FUBP1: variants seen among roughly 807,000 people sequenced by gnomAD.
FUBP1 encodes the protein far upstream element binding protein 1, also known as far upstream element-binding protein 1.
A neutral mutation model predicts 94.9 loss-of-function variants in FUBP1; 16 were observed. That is an observed-to-expected ratio of 0.17 (90% confidence interval 0.11 to 0.26). The LOEUF is 0.26. FUBP1 is among the 10% of genes least tolerant of loss of function. The pLI is 1.00. For missense variants in FUBP1, 583 were observed against 808.6 expected, an observed-to-expected ratio of 0.72 and a Z score of 3.38; for synonymous variants, 279 against 254.9, an observed-to-expected ratio of 1.09 and a Z score of -0.90.
chr1:77,960,267 A>G lies in FUBP1; in HGVS notation c.1497-4T>C. Reference sequence around the variant, plus strand: ...AGCATATGGGGCTGGAGGACCACTGAAAAGAAAAATCAGCATAAAAAACAG... The same window carrying G: ...AGCATATGGGGCTGGAGGACCACTGGAAAGAAAAATCAGCATAAAAAACAG... On this transcript the variant is annotated splice_polypyrimidine_tract_variant and splice_region_variant and intron_variant, in intron 15 of 19. Transcript: ENST00000370768. The G allele has an allele frequency of 5.0e-6, 8 of 1,613,238 alleles. No individual in the cohort carries two copies. The highest frequency in any genetic ancestry group is 1.3e-5 in the African/African-American group (1 of 74,966).
chr1:77,949,730 G>A (rs868597528), intron 18 of FUBP1, among the ~76,000 whole-genome samples: 2 of 152,066 alleles, frequency 1.3e-5, no homozygotes, highest in South Asian at 2.1e-4. Context: ...ATCTTAATTC[G>A]ATTCCAGAAT....
At chr1:77,978,230 G>A (rs1386275893) in intron 1 of FUBP1, among the ~76,000 whole-genome samples, 2 of 152,208 alleles carry the variant, frequency 1.3e-5, no homozygotes, top group Non-Finnish European at 2.9e-5. Context: ...AATACAAAGA[G>A]GTCTGGTCAG....
chr1:77,973,719 A>C (rs905072443), intron 1 of FUBP1, among the ~76,000 whole-genome samples: 1 of 147,154 alleles, frequency 6.8e-6, no homozygotes, highest in African/African-American at 2.6e-5. Flanking sequence ...AAAGAAACTT[A>C]AAAGACACAG....
At chr1:77,976,499 A>T (rs1484979255) in intron 1 of FUBP1, among the ~76,000 whole-genome samples, 1 of 146,982 alleles carries the variant, frequency 6.8e-6, no homozygotes, top group Non-Finnish European at 1.5e-5. Flanking sequence ...ATAAAATCCA[A>T]TTTTTTTTTT....
intron 18 of FUBP1, among the ~76,000 whole-genome samples, chr1:77,949,834 G>A (rs185591471): frequency 6.6e-6 from 1 of 152,262 alleles, no homozygotes; most frequent in Non-Finnish European, 1.5e-5. Flanking sequence ...TTCCTGATTA[G>A]TAACCTATAA....
rs2274257 is a variant in FUBP1 at position 77,963,723 on chromosome 1, G to C, written c.1042-8C>G. On this transcript the variant is annotated splice_polypyrimidine_tract_variant and splice_region_variant and intron_variant, in intron 12 of 19. Transcript: ENST00000370768. ...TCCACCAGGATTACCAGCCTATAGA[G>C]AGGGAAAGACAAGAACGAAGAGTCA... The C allele has an allele frequency of 0.086, 136,670 of 1,592,650 alleles. 7,084 individuals carry two copies. Among genetic ancestry groups the C allele is most frequent in the Admixed American group, 0.22 (12,130 of 55,260 alleles).
chr1:77,970,128 G>C lies in FUBP1; in HGVS notation c.121-113C>G. On this transcript the variant is annotated intron_variant, in intron 1 of 19. Transcript: ENST00000370768. ...ATGTGAAATATTTAGTATCACATAA[G>C]AAAATTTACTTGAAAAATTAAAATT... is the stretch of plus-strand genomic sequence containing the variant. 6.4e-6 allele frequency: 3 copies of C among 468,274 alleles called. 1 individual carries two copies. Among genetic ancestry groups the C allele is most frequent in the Non-Finnish European group, 1.1e-5 (3 of 266,312 alleles). The allele number at this position is 468,274 out of a possible 1,614,324, so 29.0% of individuals were successfully genotyped here.
chr1:77,955,179 A>G (rs1571249244), intron 18 of FUBP1, 76 bp downstream of exon 18: 1 of 704,264 alleles, frequency 1.4e-6, no homozygotes, highest in Admixed American at 2.4e-5. Context: ...ATTTTATTCA[A>G]TTATTCTCTT....
At chr1:77,974,679 A>C (rs1488037854) in intron 1 of FUBP1, among the ~76,000 whole-genome samples, 1 of 152,242 alleles carries the variant, frequency 6.6e-6, no homozygotes, top group African/African-American at 2.4e-5. Context: ...TGTCTGATTT[A>C]GAATTTAAAC....
intron 18 of FUBP1, among the ~76,000 whole-genome samples, chr1:77,953,787 A>T (rs193076262): frequency 6.6e-6 from 1 of 152,302 alleles, no homozygotes; most frequent in East Asian, 1.9e-4. Context: ...AAACATAAAA[A>T]GTAAAACAAA....
At chr1:77,973,022 A>C (rs1571358616) in intron 1 of FUBP1, among the ~76,000 whole-genome samples, 1 of 151,856 alleles carries the variant, frequency 6.6e-6, no homozygotes, top group East Asian at 1.9e-4. Context: ...TAAAAAAAAA[A>C]AAAAAACTGA....
chr1:77,969,546 C>A (rs936413633), intron 2 of FUBP1, among the ~76,000 whole-genome samples: 1 of 151,858 alleles, frequency 6.6e-6, no homozygotes, highest in Non-Finnish European at 1.5e-5. Flanking sequence ...AGAAAAATGA[C>A]GAAAATACAG....
At chr1:77,971,232 T>C (rs1036610333) in intron 1 of FUBP1, among the ~76,000 whole-genome samples, 1 of 152,216 alleles carries the variant, frequency 6.6e-6, no homozygotes, top group Non-Finnish European at 1.5e-5. Context: ...ACTGCAATGC[T>C]GTACATTCAT....
intron 10 of FUBP1, 108 bp from the exon 11 acceptor site, chr1:77,964,464 A>G (rs1007681040): frequency 5.6e-6 from 4 of 713,212 alleles, no homozygotes; most frequent in African/African-American, 5.4e-5. Flanking sequence ...TCAAATCATA[A>G]AAGTACATAT....
chr1:77,960,212 G>C lies in FUBP1; in HGVS notation c.1548C>G (p.His516Gln), dbSNP rs1371521645. 1 of 1,611,928 alleles carries C rather than the reference G, an allele frequency of 6.2e-7. No homozygotes were observed. Among genetic ancestry groups the C allele is most frequent in the African/African-American group, 1.3e-5 (1 of 74,804 alleles). The change falls in exon 16 of 20, where the codon CAC becomes CAG. Residue 516 changes from histidine to glutamine, a missense_variant. Transcript: ENST00000370768. The stretch of plus-strand genomic sequence containing the variant: ...GATCAGGAGGAGCCTGCTGCTGCCA[G>C]TGTGGATATGCATTTCCCCATCCCT... ...APQGWGNAYP[H>Q]WQQQAPPDPA... is the part of the protein sequence containing the mutation.
chr1:77,966,391 C>CT (rs1163514334), intron 7 of FUBP1, among the ~76,000 whole-genome samples: 1 of 152,126 alleles, frequency 6.6e-6, no homozygotes, highest in Non-Finnish European at 1.5e-5. Flanking sequence ...AGCTTAATGT[C>CT]TGAGTTTTAA....
chr1:77,970,076 C>T (rs889885047), intron 1 of FUBP1, 61 bp from the exon 2 acceptor site: 5 of 752,360 alleles, frequency 6.6e-6, no homozygotes, highest in African/African-American at 3.7e-5. Context: ...TACTAAATTA[C>T]CCCCATTTAC....
At chr1:77,974,659 G>A (rs1239366280) in intron 1 of FUBP1, among the ~76,000 whole-genome samples, 4 of 152,032 alleles carry the variant, frequency 2.6e-5, no homozygotes, top group East Asian at 1.9e-4. Flanking sequence ...TATTATTATC[G>A]TTAATACTGT....
chr1:77,956,967 CT>C (rs1654580057), intron 16 of FUBP1, among the ~76,000 whole-genome samples: 1 of 152,180 alleles, frequency 6.6e-6, no homozygotes, highest in Non-Finnish European at 1.5e-5. Context: ...GAATAAAGGT[CT>C]TTTGGCTCCA....
Sources: allele counts gnomAD v4.1 joint callset (sites outside exome capture counted in the v4.1 genomes callset), GRCh38; gene constraint gnomAD v4.1.1; transcripts MANE v1.5; gene names NCBI Gene and HGNC (gene_info 2026-07-23, HGNC 2026-07-21).